Variants in MYO16 observed in about 807,000 individuals in gnomAD.
The protein encoded by MYO16 is myosin XVI, also known as unconventional myosin-XVI.
In MYO16, 94 loss-of-function variants were observed where a neutral mutation model predicts 205.3. That is an observed-to-expected ratio of 0.46 (90% CI 0.39 to 0.54). MYO16 has a LOEUF of 0.54. Ranked by LOEUF, MYO16 falls within the 20% of genes least tolerant of loss-of-function variation. The pLI, the probability that MYO16 is intolerant of heterozygous loss-of-function variation, is 0.00. For missense variants in MYO16, 2,315 were observed against 2,387.5 expected (o/e 0.97, Z 0.63); for synonymous variants, 988 against 954.0 (o/e 1.04, Z -0.66).
chr13:109,174,035 G>T (rs983317604), intron 33 of MYO16, among the ~76,000 whole-genome samples: 2 of 151,990 alleles, frequency 1.3e-5, no homozygotes, highest in African/African-American at 2.4e-5. Flanking sequence ...GAGTTTGGGG[G>T]TGCCAGTTTT....
At chr13:108,582,509 G>A in the MYO16 span, among the ~76,000 whole-genome samples, 4 of 152,202 alleles carry the variant, frequency 2.6e-5, no homozygotes, top group Admixed American at 6.5e-5. Flanking sequence ...CCAGCCAGGG[G>A]AACCAGAAAG....
chr13:108,667,618 T>C (rs1881798093), intron 2 of MYO16, among the ~76,000 whole-genome samples: 1 of 152,276 alleles, frequency 6.6e-6, no homozygotes. Flanking sequence ...TCTCATACCT[T>C]CCAGCAGCAT....
At position 108,836,606 on chromosome 13, in the gene MYO16, C is replaced by A. The variant is rs540079885; in HGVS notation, c.1098-7737C>A. Among the ~76,000 whole-genome samples, 192 of 151,942 alleles carry A rather than the reference C, an allele frequency of 1.3e-3. 1 individual carries two copies. The highest frequency in any genetic ancestry group is 5.8e-3 in the Admixed American group (88 of 15,290). Reference sequence around the variant, plus strand: ...CCCATGAAAGCAGCCGGGTGCAGGGCCATACCCAGCAAAACCACAGGGACA... The same window carrying A: ...CCCATGAAAGCAGCCGGGTGCAGGGACATACCCAGCAAAACCACAGGGACA... On this transcript the variant is annotated intron_variant, in intron 9 of 34. Coordinates refer to ENST00000457511, the MANE Select transcript of MYO16 (RefSeq NM_001198950.3).
At chr13:108,676,744 C>T (rs534133420) in intron 2 of MYO16, among the ~76,000 whole-genome samples, 2 of 152,212 alleles carry the variant, frequency 1.3e-5, no homozygotes, top group South Asian at 2.1e-4. Context: ...AGAGGAGAGG[C>T]GTGGTTTGTT....
In MYO16 at chr13:109,143,725, G is replaced by A. The variant is rs188728954; in HGVS notation, c.5164+2349G>A. ...TTGCTAATTTTATTTCCCTGTGGTG[G>A]TATTAACCAGTATTTGGGAACACAC... On this transcript the variant is annotated intron_variant, in intron 32 of 34. Transcript: ENST00000457511. 4.5e-3 allele frequency among the ~76,000 whole-genome samples: 687 copies of A among 152,260 alleles called. 3 individuals are homozygous for A. The highest frequency in any genetic ancestry group is 7.3e-3 in the Non-Finnish European group (499 of 68,028).
chr13:108,871,322 TTGTGTG>T (rs58117690), intron 12 of MYO16, among the ~76,000 whole-genome samples: 33,708 of 131,302 alleles, frequency 0.26, 4,017 homozygotes, highest in Non-Finnish European at 0.29. Flanking sequence ...CTATGTGACT[TTGTGTG>T]TGTGTGTGTG....
At chr13:109,158,722 G>A (rs1391000021) in intron 32 of MYO16, among the ~76,000 whole-genome samples, 1 of 144,868 alleles carries the variant, frequency 6.9e-6, no homozygotes, top group Non-Finnish European at 1.5e-5. Context: ...GGAAAGGTGA[G>A]CTTTTTTAAA....
chr13:108,495,883 G>C, the MYO16 span, among the ~76,000 whole-genome samples: 1 of 151,962 alleles, frequency 6.6e-6, no homozygotes, highest in African/African-American at 2.4e-5. Context: ...GGCCATCGCC[G>C]CGTCGCCTGG....
At chr13:108,754,745 T>C (rs563208576) in intron 4 of MYO16, among the ~76,000 whole-genome samples, 1 of 152,316 alleles carries the variant, frequency 6.6e-6, no homozygotes, top group Admixed American at 6.5e-5. Flanking sequence ...CTTTCTTGTC[T>C]GCCTGGTTCT....
At chr13:109,053,935 A>G (rs1003562896) in intron 25 of MYO16, among the ~76,000 whole-genome samples, 3 of 152,142 alleles carry the variant, frequency 2.0e-5, no homozygotes, top group Admixed American at 1.3e-4. Context: ...GTACATCTTA[A>G]CAGAAGAAAA....
intron 3 of MYO16, among the ~76,000 whole-genome samples, chr13:108,715,190 C>T (rs34540500): frequency 0.38 from 58,041 of 152,096 alleles, 11,271 homozygotes; most frequent in African/African-American, 0.44. Flanking sequence ...GCTCCTTCAG[C>T]GCTGGCCCGT....
chr13:108,760,659 C>T (rs1885575633), intron 4 of MYO16, among the ~76,000 whole-genome samples: 1 of 152,136 alleles, frequency 6.6e-6, no homozygotes, highest in Admixed American at 6.5e-5. Context: ...CTTTCAATGC[C>T]ATATGTTCTC....
intron 10 of MYO16, among the ~76,000 whole-genome samples, chr13:108,845,960 T>C (rs930156446): frequency 3.9e-5 from 6 of 152,058 alleles, no homozygotes; most frequent in Non-Finnish European, 7.4e-5. Flanking sequence ...CCTCCCACCT[T>C]AGCCTCCCAA....
At chr13:108,868,202 C>G (rs1305700246) in intron 12 of MYO16, among the ~76,000 whole-genome samples, 1 of 152,018 alleles carries the variant, frequency 6.6e-6, no homozygotes, top group African/African-American at 2.4e-5. Flanking sequence ...TACATACAAT[C>G]AGTTTTGATA....
chr13:108,784,179 T>G (rs1331075878), intron 4 of MYO16, among the ~76,000 whole-genome samples: 3 of 152,114 alleles, frequency 2.0e-5, no homozygotes, highest in African/African-American at 7.2e-5. Flanking sequence ...GCTTGGAGAC[T>G]AAAGGAAAAG....
intron 1 of MYO16, among the ~76,000 whole-genome samples, chr13:108,631,093 T>C (rs905960136): frequency 3.3e-5 from 5 of 152,162 alleles, no homozygotes; most frequent in African/African-American, 1.2e-4. Context: ...TGTTAACTCT[T>C]GGGGTTATTT....
intron 4 of MYO16, among the ~76,000 whole-genome samples, chr13:108,746,891 A>G (rs1387448338): frequency 6.6e-6 from 1 of 152,186 alleles, no homozygotes; most frequent in Non-Finnish European, 1.5e-5. Flanking sequence ...ACAAAAAGGG[A>G]AAATCTTGAA....
the MYO16 span, among the ~76,000 whole-genome samples, chr13:108,560,120 C>A: frequency 1.6e-3 from 250 of 152,294 alleles, 2 homozygotes; most frequent in South Asian, 0.021. Context: ...CAGAGATTTT[C>A]TTTTCTAATG....
chr13:108,919,662 T>G (rs1881655383), intron 16 of MYO16, among the ~76,000 whole-genome samples: 1 of 152,208 alleles, frequency 6.6e-6, no homozygotes, highest in African/African-American at 2.4e-5. Context: ...AGTCAAACAC[T>G]CCAGCCTCAC....
Sources: gnomAD v4.1 joint callset for allele counts (sites outside exome capture counted in the v4.1 genomes callset) on GRCh38, gnomAD v4.1.1 for gene constraint, MANE v1.5 for transcripts, NCBI Gene and HGNC (gene_info 2026-07-23, HGNC 2026-07-21) for gene names.